The following YAP1 variants were observed in gnomAD, a reference collection of about 807,000 sequenced individuals.
YAP1 encodes Yes1 associated transcriptional regulator.
YAP1 carries 5 observed loss-of-function variants against 56.9 expected under a neutral mutation model. That is an observed-to-expected ratio of 0.09 (90% CI 0.05 to 0.18). The LOEUF is 0.18. Ranked by LOEUF, YAP1 falls within the 10% of genes least tolerant of loss-of-function variation. The pLI, the probability that YAP1 is intolerant of heterozygous loss-of-function variation, is 1.00. For missense variants in YAP1, 539 were observed against 651.8 expected (o/e 0.83, Z 1.88); for synonymous variants, 265 against 248.1 (o/e 1.07, Z -0.64).
intron 6 of YAP1, among the ~76,000 whole-genome samples, chr11:102,209,985 A>G (rs1949315176): frequency 6.6e-6 from 1 of 152,236 alleles, no homozygotes; most frequent in South Asian, 2.1e-4. Context: ...TAGAGTCATG[A>G]TACTATGAGG....
intron 3 of YAP1, among the ~76,000 whole-genome samples, chr11:102,173,082 A>T (rs567388019): frequency 1.6e-4 from 24 of 152,214 alleles, no homozygotes; most frequent in Non-Finnish European, 2.9e-4. Context: ...GGGCAGTTGC[A>T]GTAACCCAGG....
chr11:102,117,056 A>G (rs1439728837), intron 2 of YAP1, among the ~76,000 whole-genome samples: 1 of 152,220 alleles, frequency 6.6e-6, no homozygotes, highest in Non-Finnish European at 1.5e-5. Flanking sequence ...TACTTCCATG[A>G]TGTTATGGAC....
At chr11:102,143,234 T>TG (rs1945119873) in intron 2 of YAP1, among the ~76,000 whole-genome samples, 1 of 152,182 alleles carries the variant, frequency 6.6e-6, no homozygotes, top group African/African-American at 2.4e-5. Flanking sequence ...ATGGCATACT[T>TG]ATTCATTTGG....
intron 6 of YAP1, among the ~76,000 whole-genome samples, chr11:102,219,561 C>A (rs1949822196): frequency 6.6e-6 from 1 of 152,028 alleles, no homozygotes; most frequent in Non-Finnish European, 1.5e-5. Context: ...AAAGTCACTT[C>A]TCACTTTGTA....
intron 4 of YAP1, among the ~76,000 whole-genome samples, chr11:102,189,932 A>G (rs1335910265): frequency 6.6e-6 from 1 of 152,206 alleles, no homozygotes; most frequent in African/African-American, 2.4e-5. Flanking sequence ...TTTTAAGCCA[A>G]ATATTTCTGT....
intron 2 of YAP1, among the ~76,000 whole-genome samples, chr11:102,156,269 GTAAA>G (rs1945939709): frequency 6.6e-6 from 1 of 152,088 alleles, no homozygotes; most frequent in African/African-American, 2.4e-5. Context: ...GCTCTTTTGG[GTAAA>G]TAAATGTCTT....
At chr11:102,159,179 C>CTGTT (rs10540958) in intron 2 of YAP1, among the ~76,000 whole-genome samples, 7 of 152,114 alleles carry the variant, frequency 4.6e-5, no homozygotes, top group African/African-American at 1.4e-4. Context: ...CTGTCTCTCT[C>CTGTT]TGTTTGTTTG....
intron 2 of YAP1, among the ~76,000 whole-genome samples, chr11:102,116,724 G>A (rs1943310009): frequency 6.6e-6 from 1 of 152,140 alleles, no homozygotes; most frequent in African/African-American, 2.4e-5. Flanking sequence ...TGTTTCTGGG[G>A]AACTTTTATG....
At chr11:102,161,903 G>A (rs1198915011) in intron 2 of YAP1, among the ~76,000 whole-genome samples, 2 of 152,172 alleles carry the variant, frequency 1.3e-5, no homozygotes, top group African/African-American at 4.8e-5. Context: ...AGGGCTTTGT[G>A]TAAGAACATG....
chr11:102,182,084 G>A (rs554859103), intron 3 of YAP1, among the ~76,000 whole-genome samples: 1 of 152,288 alleles, frequency 6.6e-6, no homozygotes, highest in African/African-American at 2.4e-5. Flanking sequence ...CTCCCAAAGT[G>A]CTGGGATTAC....
At chr11:102,177,920 C>T (rs181296820) in intron 3 of YAP1, among the ~76,000 whole-genome samples, 1 of 152,096 alleles carries the variant, frequency 6.6e-6, no homozygotes, top group Non-Finnish European at 1.5e-5. Flanking sequence ...AATATGATTA[C>T]TGTTTGTCAT....
At chr11:102,134,939 C>T (rs935079411) in intron 2 of YAP1, among the ~76,000 whole-genome samples, 5 of 152,212 alleles carry the variant, frequency 3.3e-5, no homozygotes, top group African/African-American at 9.6e-5. Context: ...AGTGCAGTGG[C>T]GCAGCCTCAG....
At chr11:102,121,931 G>C (rs1943679490) in intron 2 of YAP1, among the ~76,000 whole-genome samples, 2 of 152,056 alleles carry the variant, frequency 1.3e-5, no homozygotes, top group African/African-American at 4.8e-5. Flanking sequence ...CTGAGTAGCT[G>C]GGACTACAGG....
chr11:102,118,626 C>G (rs1039133951), intron 2 of YAP1, among the ~76,000 whole-genome samples: 11 of 151,566 alleles, frequency 7.3e-5, no homozygotes, highest in Admixed American at 5.3e-4. Context: ...TGGCGCACAC[C>G]TATTGTCCCA....
At chr11:102,221,706 G>T (rs1949938996) in intron 6 of YAP1, among the ~76,000 whole-genome samples, 1 of 151,334 alleles carries the variant, frequency 6.6e-6, no homozygotes. Flanking sequence ...TTGGGTGACA[G>T]AGTGAGACCC....
intron 2 of YAP1, among the ~76,000 whole-genome samples, chr11:102,123,706 C>A (rs1289024859): frequency 2.1e-5 from 3 of 143,980 alleles, no homozygotes; most frequent in African/African-American, 7.7e-5. Flanking sequence ...GTGGCTCGAT[C>A]TCGTCTCACT....
At chr11:102,185,324 T>G (rs1367374169) in intron 3 of YAP1, among the ~76,000 whole-genome samples, 1 of 152,222 alleles carries the variant, frequency 6.6e-6, no homozygotes, top group Admixed American at 6.5e-5. Context: ...TTTAGTCCTA[T>G]CTCTCAAATG....
chr11:102,158,781 A>G (rs369153003), intron 2 of YAP1, among the ~76,000 whole-genome samples: 174 of 152,372 alleles, frequency 1.1e-3, no homozygotes, highest in African/African-American at 3.9e-3. Flanking sequence ...GAAGATAGGT[A>G]TAAGAAAGTC....
At chr11:102,210,301 T>C (rs1949334625) in intron 6 of YAP1, among the ~76,000 whole-genome samples, 1 of 152,230 alleles carries the variant, frequency 6.6e-6, no homozygotes, top group Admixed American at 6.5e-5. Flanking sequence ...TCTACTTCTC[T>C]TGGGGCAGAA....
Sources: gnomAD v4.1 joint callset for allele counts (sites outside exome capture counted in the v4.1 genomes callset) on GRCh38, gnomAD v4.1.1 for gene constraint, MANE v1.5 for transcripts, NCBI Gene and HGNC (gene_info 2026-07-23, HGNC 2026-07-21) for gene names.